Variants in SNX14 observed in about 807,000 individuals in gnomAD.
The protein encoded by SNX14 is sorting nexin 14, also known as sorting nexin-14.
Under a neutral mutation model 133.8 loss-of-function variants are expected in SNX14, and 93 were observed. That is an observed-to-expected ratio of 0.70 (90% CI 0.59 to 0.83). The LOEUF (loss-of-function observed/expected upper bound fraction) is 0.83. Among genes scored for constraint, SNX14 ranks in the 40% least tolerant of loss-of-function variants. SNX14 has a pLI of 0.00. For synonymous variants in SNX14, 368 were observed against 365.6 expected (o/e 1.01, Z -0.07); for missense variants, 945 against 1,094.9 (o/e 0.86, Z 1.93).
chr6:85,554,425 C>T (rs557072157), intron 7 of SNX14, among the ~76,000 whole-genome samples: 10 of 152,042 alleles, frequency 6.6e-5, no homozygotes, highest in African/African-American at 2.2e-4. Context: ...AATGCCAAGA[C>T]AGTAAAGACA....
At chr6:85,556,198 T>G (rs766718525) in intron 7 of SNX14, among the ~76,000 whole-genome samples, 5 of 152,112 alleles carry the variant, frequency 3.3e-5, no homozygotes, top group African/African-American at 1.2e-4. Context: ...TAAAATCTAC[T>G]GATTTAAAGA....
intron 1 of SNX14, among the ~76,000 whole-genome samples, chr6:85,592,887 G>C (rs543501925): frequency 6.6e-6 from 1 of 151,882 alleles, no homozygotes; most frequent in Non-Finnish European, 1.5e-5. Flanking sequence ...GGTGGCGGGC[G>C]CCTGTAGCCC....
At chr6:85,544,355 TA>T (rs1052713900) in intron 12 of SNX14, among the ~76,000 whole-genome samples, 137 of 144,076 alleles carry the variant, frequency 9.5e-4, no homozygotes, top group Admixed American at 1.0e-3. Context: ...AAAAGGGAGT[TA>T]AAAAAAAAAA....
At chr6:85,574,158 T>C (rs1796576331) in intron 2 of SNX14, 100 bp downstream of exon 2, 1 of 1,038,386 alleles carries the variant, frequency 9.6e-7, no homozygotes, top group Admixed American at 3.1e-5. Flanking sequence ...AAAACAAATT[T>C]TGTAAATTAA....
At position 85,511,854 on chromosome 6, in the gene SNX14, A is replaced by AT. The variant is rs1772943373; in HGVS notation, c.2653+1945dup. ...TTTCTTGCCTTTAATATGTCTTGTA[A>AT]TTTTTTTCTTGATAACTGGACATGA... is the stretch of plus-strand genomic sequence containing the variant. On this transcript the variant is annotated intron_variant, in intron 26 of 28. Transcript: ENST00000314673. 4.6e-5 allele frequency among the ~76,000 whole-genome samples: 7 copies of AT among 152,084 alleles called. No homozygotes were observed. In the South Asian group the frequency reaches 1.4e-3, roughly 32 times the overall value.
intron 24 of SNX14, 93 bp from the exon 25 acceptor site, chr6:85,514,327 A>G: frequency 1.3e-6 from 2 of 1,501,430 alleles, no homozygotes; most frequent in Non-Finnish European, 1.8e-6. Context: ...ACCATGGTCA[A>G]TATTTTATTT....
intron 12 of SNX14, among the ~76,000 whole-genome samples, chr6:85,545,008 C>T (rs2128083592): frequency 6.6e-6 from 1 of 152,196 alleles, no homozygotes; most frequent in South Asian, 2.1e-4. Flanking sequence ...GTTTTATAGC[C>T]TATGCAGAAT....
At chr6:85,522,972 C>T (rs189567795) in intron 21 of SNX14, among the ~76,000 whole-genome samples, 4 of 152,324 alleles carry the variant, frequency 2.6e-5, no homozygotes, top group African/African-American at 7.2e-5. Flanking sequence ...CTAAGAAAGG[C>T]TTCCCTGTTT....
chr6:85,570,849 T>C (rs2128188577), intron 4 of SNX14, among the ~76,000 whole-genome samples: 1 of 151,384 alleles, frequency 6.6e-6, no homozygotes, highest in East Asian at 1.9e-4. Flanking sequence ...CGAGATTCCG[T>C]CTCAAAAAAA....
In SNX14 at chr6:85,586,757, C is replaced by G. The variant is rs115150189; in HGVS notation, c.140+6822G>C. ...CTTTTTTTTCTTTTTTTGGTACAGA[C>G]AGGGTCTTTCTGGCCAGGTGCATAA... On this transcript the variant is annotated intron_variant, in intron 1 of 28. Coordinates refer to ENST00000314673, the MANE Select transcript of SNX14 (RefSeq NM_153816.6). 2.6e-3 allele frequency among the ~76,000 whole-genome samples: 395 copies of G among 151,838 alleles called. 2 individuals are homozygous for G. The highest frequency in any genetic ancestry group is 9.3e-3 in the African/African-American group (383 of 41,404).
rs147235178 is a variant in SNX14 at position 85,539,935 on chromosome 6, TTTTTA to T, written c.1449-1076_1449-1072del. 7.7e-3 allele frequency among the ~76,000 whole-genome samples: 1,055 copies of T among 136,572 alleles called. 6 individuals carry two copies. Among genetic ancestry groups the T allele is most frequent in the African/African-American group, 0.021 (798 of 37,686 alleles). The allele number at this position is 136,572 out of a possible 152,430, so 89.6% of individuals were successfully genotyped here. A position where few individuals can be genotyped will look rare whatever the true frequency, so the allele number is the denominator to read the frequency against. ...ACTTAGATTTAACCACGAAGCAAGC[TTTTTA>T]TTTTATTTTATTTTATTTTATTTTA... On this transcript the variant is annotated intron_variant, in intron 15 of 28. Transcript: ENST00000314673.
chr6:85,580,617 A>G (rs901714022), intron 1 of SNX14, among the ~76,000 whole-genome samples: 6 of 152,234 alleles, frequency 3.9e-5, no homozygotes, highest in African/African-American at 1.4e-4. Flanking sequence ...ATTGCCCTGA[A>G]AGGTGAGTTG....
At chr6:85,519,184 C>T (rs1466456480) in intron 21 of SNX14, among the ~76,000 whole-genome samples, 1 of 152,056 alleles carries the variant, frequency 6.6e-6, no homozygotes, top group Admixed American at 6.6e-5. Flanking sequence ...CTTTTTTCCC[C>T]CAATAAAAAG....
chr6:85,552,437 T>C (rs951086106), intron 7 of SNX14, among the ~76,000 whole-genome samples: 2 of 152,180 alleles, frequency 1.3e-5, no homozygotes, highest in African/African-American at 4.8e-5. Flanking sequence ...AGTACTGAGA[T>C]GGAGCAGCAA....
At chr6:85,568,600 T>A (rs531710957) in intron 4 of SNX14, 2 of 152,346 alleles carry the variant, frequency 1.3e-5, no homozygotes, top group African/African-American at 4.8e-5. Flanking sequence ...TATGTCATAA[T>A]TTTTACAAGG....
intron 7 of SNX14, among the ~76,000 whole-genome samples, chr6:85,557,090 A>G (rs1790035678): frequency 6.6e-6 from 1 of 152,200 alleles, no homozygotes; most frequent in Non-Finnish European, 1.5e-5. Context: ...GGGAATTTCT[A>G]CAAGGGGAAT....
chr6:85,567,688 A>T (rs1794311343), intron 4 of SNX14, 111 bp from the exon 5 acceptor site: 11 of 652,726 alleles, frequency 1.7e-5, no homozygotes, highest in Non-Finnish European at 7.3e-6. Flanking sequence ...TATTATCACA[A>T]ATAGTGACAG....
At chr6:85,578,934 G>C (rs1352422336) in intron 1 of SNX14, among the ~76,000 whole-genome samples, 1 of 152,056 alleles carries the variant, frequency 6.6e-6, no homozygotes, top group Admixed American at 6.6e-5. Context: ...TCAGGAGTTC[G>C]AGACCAGCCT....
At chr6:85,552,554 G>C (rs545147132) in intron 7 of SNX14, among the ~76,000 whole-genome samples, 2 of 152,262 alleles carry the variant, frequency 1.3e-5, no homozygotes, top group African/African-American at 4.8e-5. Flanking sequence ...CCAGCAATTA[G>C]GAAAGTGAGT....
Sources: allele counts gnomAD v4.1 joint callset (sites outside exome capture counted in the v4.1 genomes callset), GRCh38; gene constraint gnomAD v4.1.1; transcripts MANE v1.5; gene names NCBI Gene and HGNC (gene_info 2026-07-23, HGNC 2026-07-21).